Variants in RSPH14 observed in about 807,000 individuals in gnomAD.
RSPH14 encodes the protein radial spoke head 14 homolog, also known as rhabdoid tumor deletion region gene 1.
A neutral mutation model predicts 26.7 loss-of-function variants in RSPH14; 20 were observed. The ratio of observed to expected loss-of-function variants is 0.75; its 90% CI spans 0.53 to 1.09. RSPH14 has a LOEUF of 1.09. RSPH14 is among the 50% of genes least tolerant of loss of function. The pLI, the probability that RSPH14 is intolerant of heterozygous loss-of-function variation, is 0.00. For synonymous variants in RSPH14, 177 were observed against 189.3 expected, an observed-to-expected ratio of 0.93 and a Z score of 0.53; for missense variants, 449 against 457.2, an observed-to-expected ratio of 0.98 and a Z score of 0.16.
chr22:23,098,888 C>T (rs75240399), intron 4 of RSPH14, among the ~76,000 whole-genome samples: 288 of 152,344 alleles, frequency 1.9e-3, no homozygotes, highest in African/African-American at 5.7e-3. Context: ...AGTGCTGGCA[C>T]GGGCTGGCAC....
Position 23,063,896 on chromosome 22 carries a change from C to A in RSPH14, c.653+6G>T. On this transcript the variant is annotated splice_donor_region_variant and intron_variant, in intron 5 of 6. Coordinates refer to ENST00000216036, the MANE Select transcript of RSPH14 (RefSeq NM_014433.3). ...TGGTAGAAACCCAGCCTAGGCCAGG[C>A]CTCACCTGACATTAAGGAGCGCACG... The A allele has an allele frequency of 3.1e-6, 5 of 1,613,552 alleles. No homozygotes were observed. The Middle Eastern group carries it at 8.3e-4, about 267-fold the overall frequency.
At chr22:23,073,897 G>A (rs1190404339) in intron 4 of RSPH14, among the ~76,000 whole-genome samples, 1 of 150,210 alleles carries the variant, frequency 6.7e-6, no homozygotes, top group Admixed American at 6.6e-5. Flanking sequence ...GCACTGTGGA[G>A]AACACTAAAG....
intron 3 of RSPH14, among the ~76,000 whole-genome samples, chr22:23,136,581 G>A (rs1231788630): frequency 7.2e-6 from 1 of 138,970 alleles, no homozygotes; most frequent in East Asian, 2.3e-4. Context: ...CCTGGCTTAG[G>A]CACTCTAGGT....
chr22:23,084,607 T>A (rs1402940706), intron 4 of RSPH14, among the ~76,000 whole-genome samples: 1 of 152,232 alleles, frequency 6.6e-6, no homozygotes, highest in Non-Finnish European at 1.5e-5. Flanking sequence ...GCACTGGATG[T>A]GAACATATCC....
intron 4 of RSPH14, among the ~76,000 whole-genome samples, chr22:23,092,207 C>T (rs1446562941): frequency 6.6e-6 from 1 of 152,148 alleles, no homozygotes; most frequent in Non-Finnish European, 1.5e-5. Context: ...CCAGTAAAGC[C>T]CGGGTTAGAC....
chr22:23,169,596 T>G, the RSPH14 span, among the ~76,000 whole-genome samples: 3 of 152,172 alleles, frequency 2.0e-5, no homozygotes, highest in Admixed American at 2.0e-4. Flanking sequence ...CCCCAGTTAT[T>G]GCTATGTGAC....
chr22:23,095,056 C>A (rs575786112), intron 4 of RSPH14, among the ~76,000 whole-genome samples: 2 of 152,232 alleles, frequency 1.3e-5, no homozygotes, highest in African/African-American at 4.8e-5. Context: ...CAGGCAACAG[C>A]AGACATATGT....
intron 4 of RSPH14, among the ~76,000 whole-genome samples, chr22:23,070,044 C>T (rs1185263422): frequency 6.6e-6 from 1 of 152,156 alleles, no homozygotes; most frequent in African/African-American, 2.4e-5. Context: ...GCCCCTGGGG[C>T]TCGGCTACCA....
chr22:23,070,041 G>C (rs367869568), intron 4 of RSPH14, among the ~76,000 whole-genome samples: 78 of 152,264 alleles, frequency 5.1e-4, no homozygotes, highest in African/African-American at 1.9e-3. Flanking sequence ...GTGGCCCCTG[G>C]GGCTCGGCTA....
chr22:23,087,815 T>C (rs1350986620), intron 4 of RSPH14, among the ~76,000 whole-genome samples: 7 of 152,214 alleles, frequency 4.6e-5, no homozygotes, highest in South Asian at 4.1e-4. Context: ...GTGGGGCCAG[T>C]TGATCCATCA....
the RSPH14 span, among the ~76,000 whole-genome samples, chr22:23,151,377 G>A: frequency 3.3e-5 from 5 of 152,180 alleles, no homozygotes; most frequent in African/African-American, 4.8e-5. Context: ...GAGAAATGGA[G>A]TCAGAACGAA....
intron 4 of RSPH14, among the ~76,000 whole-genome samples, chr22:23,117,485 C>T (rs1375819224): frequency 6.6e-6 from 1 of 152,226 alleles, no homozygotes; most frequent in Admixed American, 6.5e-5. Context: ...GCTGAGCTGG[C>T]CCTGCATTTG....
chr22:23,150,293 CT>C, the RSPH14 span: 1,379 of 495,124 alleles, frequency 2.8e-3, 6 homozygotes, highest in African/African-American at 0.018. Flanking sequence ...CTGGGGTTTT[CT>C]TTTTTTTTTC....
intron 4 of RSPH14, chr22:23,122,981 C>T: frequency 2.7e-6 from 2 of 740,056 alleles, no homozygotes; most frequent in Non-Finnish European, 4.7e-6. Context: ...AGGGACCAGT[C>T]TTGGGCTGAG....
intron 4 of RSPH14, among the ~76,000 whole-genome samples, chr22:23,133,241 T>G (rs1267943517): frequency 6.6e-6 from 1 of 152,208 alleles, no homozygotes; most frequent in Admixed American, 6.5e-5. Flanking sequence ...TGTTGTATAC[T>G]CACATAGTGT....
chr22:23,151,126 G>C, the RSPH14 span, among the ~76,000 whole-genome samples: 69 of 152,376 alleles, frequency 4.5e-4, no homozygotes, highest in African/African-American at 1.6e-3. Flanking sequence ...GGCTGCCAGA[G>C]AGCGCAGCTA....
intron 3 of RSPH14, chr22:23,135,868 G>C (rs891675839): frequency 6.6e-6 from 1 of 152,280 alleles, no homozygotes; most frequent in Non-Finnish European, 1.5e-5. Flanking sequence ...CTGAGGTCAC[G>C]TCTCTGAGGG....
intron 4 of RSPH14, among the ~76,000 whole-genome samples, chr22:23,117,353 C>G (rs952910219): frequency 5.3e-5 from 8 of 152,260 alleles, no homozygotes; most frequent in African/African-American, 1.9e-4. Flanking sequence ...CATTGCATCT[C>G]CAGGCTAAGG....
chr22:23,174,967 C>CA, the RSPH14 span, among the ~76,000 whole-genome samples: 50 of 138,438 alleles, frequency 3.6e-4, no homozygotes, highest in East Asian at 7.6e-3. Flanking sequence ...AACTCCGTCT[C>CA]AAAAAAAAAG....
Sources: gnomAD v4.1 joint callset for allele counts (sites outside exome capture counted in the v4.1 genomes callset) on GRCh38, gnomAD v4.1.1 for gene constraint, MANE v1.5 for transcripts, NCBI Gene and HGNC (gene_info 2026-07-23, HGNC 2026-07-21) for gene names.